Variants in CNTNAP2 observed in about 807,000 individuals in gnomAD.
CNTNAP2 encodes the protein contactin associated protein 2.
CNTNAP2 carries 98 observed loss-of-function variants against 155.2 expected under a neutral mutation model. The observed-to-expected ratio is 0.63, with a 90% confidence interval of 0.54 to 0.75. The LOEUF is 0.75. CNTNAP2 is among the 30% of genes least tolerant of loss of function. The pLI is 0.00. For synonymous variants in CNTNAP2, 651 were observed against 631.2 expected, an observed-to-expected ratio of 1.03 and a Z score of -0.47; for missense variants, 1,727 against 1,688.1, an observed-to-expected ratio of 1.02 and a Z score of -0.40.
At chr7:147,829,560 C>T (rs867726445) in intron 13 of CNTNAP2, among the ~76,000 whole-genome samples, 3 of 152,172 alleles carry the variant, frequency 2.0e-5, no homozygotes, top group African/African-American at 4.8e-5. Context: ...GGCATTTTTC[C>T]GATATCACAA....
chr7:147,121,293 C>G lies in CNTNAP2; in HGVS notation c.939+130C>G, dbSNP rs1176527643. ...TTTTCTTCTCTAAACAAGACACTGA[C>G]AATTTTAAAAACCTGATTAATTCGT... On this transcript the variant is annotated intron_variant, in intron 6 of 23. Transcript: ENST00000361727. The G allele has an allele frequency of 6.9e-6, 6 of 869,266 alleles. No homozygotes were observed. In the Admixed American group the frequency reaches 1.1e-4, roughly 16 times the overall value. The allele number at this position is 869,266 out of a possible 1,614,324, so 53.8% of individuals were successfully genotyped here. A position where few individuals can be genotyped will look rare whatever the true frequency, so the allele number is the denominator to read the frequency against.
At chr7:146,480,687 C>CTTT (rs34440695) in intron 1 of CNTNAP2, among the ~76,000 whole-genome samples, 12 of 121,170 alleles carry the variant, frequency 9.9e-5, no homozygotes, top group South Asian at 2.6e-4. Context: ...TTTTTTTTTC[C>CTTT]TTTTTTTTTT....
intron 16 of CNTNAP2, among the ~76,000 whole-genome samples, chr7:148,142,417 G>T (rs542494949): frequency 6.6e-6 from 1 of 152,152 alleles, no homozygotes; most frequent in South Asian, 2.1e-4. Context: ...AACAAAAAAA[G>T]ATATTGATAA....
intron 13 of CNTNAP2, among the ~76,000 whole-genome samples, chr7:147,853,378 C>A (rs1170524766): frequency 6.6e-6 from 1 of 152,168 alleles, no homozygotes; most frequent in African/African-American, 2.4e-5. Context: ...AGAGACAACC[C>A]ATTTGTACAT....
At chr7:148,302,779 T>C (rs1487443452) in intron 21 of CNTNAP2, among the ~76,000 whole-genome samples, 1 of 150,844 alleles carries the variant, frequency 6.6e-6, no homozygotes, top group East Asian at 2.0e-4. Flanking sequence ...CAATTAAACC[T>C]CTTTCCTTTA....
chr7:147,148,176 G>C (rs1014804733), intron 8 of CNTNAP2, among the ~76,000 whole-genome samples: 1 of 151,804 alleles, frequency 6.6e-6, no homozygotes, highest in Non-Finnish European at 1.5e-5. Context: ...GGATCATGAG[G>C]TCAGGAGATC....
At chr7:146,187,788 C>T (rs770863913) in intron 1 of CNTNAP2, among the ~76,000 whole-genome samples, 5 of 152,064 alleles carry the variant, frequency 3.3e-5, no homozygotes, top group Non-Finnish European at 5.9e-5. Context: ...TTATTATGGC[C>T]ACATTTTCTG....
intron 21 of CNTNAP2, among the ~76,000 whole-genome samples, chr7:148,323,110 A>G (rs1797824885): frequency 6.6e-6 from 1 of 152,024 alleles, no homozygotes; most frequent in Admixed American, 6.5e-5. Flanking sequence ...TCTTATCCAG[A>G]CAATCCTGTC....
At chr7:147,716,339 G>C (rs1037129311) in intron 13 of CNTNAP2, among the ~76,000 whole-genome samples, 3 of 152,094 alleles carry the variant, frequency 2.0e-5, no homozygotes, top group African/African-American at 7.2e-5. Flanking sequence ...GAACGGTTCT[G>C]GAAAAATGGG....
At chr7:146,896,985 A>G (rs1795890356) in intron 3 of CNTNAP2, among the ~76,000 whole-genome samples, 1 of 152,138 alleles carries the variant, frequency 6.6e-6, no homozygotes, top group Admixed American at 6.6e-5. Context: ...ATATTTTGAA[A>G]TTTCATACAA....
chr7:147,879,550 T>C (rs564503156), intron 13 of CNTNAP2, among the ~76,000 whole-genome samples: 1 of 152,280 alleles, frequency 6.6e-6, no homozygotes, highest in East Asian at 1.9e-4. Context: ...TTCAGCAATC[T>C]AGTTGTGCAA....
Position 147,123,493 on chromosome 7 carries a change from G to T in CNTNAP2, c.939+2330G>T, listed in dbSNP as rs144372719. ...TTGAAGCCCATCTATATACAATGTC[G>T]TGTTTGAGAACTGCAGGTATAGACT... On this transcript the variant is annotated intron_variant, in intron 6 of 23. Coordinates refer to ENST00000361727, the MANE Select transcript of CNTNAP2 (RefSeq NM_014141.6). Among the ~76,000 whole-genome samples the T allele has an allele frequency of 2.2e-3, 338 of 152,310 alleles. 5 individuals are homozygous for T. Among genetic ancestry groups the T allele is most frequent in the African/African-American group, 7.5e-3 (310 of 41,576 alleles).
At chr7:146,733,349 G>A (rs10487921) in intron 1 of CNTNAP2, among the ~76,000 whole-genome samples, 20,480 of 151,868 alleles carry the variant, frequency 0.13, 1,775 homozygotes, top group East Asian at 0.36. Context: ...TGGGGATGAA[G>A]CATTATTCTT....
intron 11 of CNTNAP2, among the ~76,000 whole-genome samples, chr7:147,515,569 C>T (rs1799110761): frequency 6.6e-6 from 1 of 152,040 alleles, no homozygotes; most frequent in African/African-American, 2.4e-5. Context: ...GATCTGCCCA[C>T]CTCGGCCTCC....
chr7:147,337,732 C>T (rs566223753), intron 9 of CNTNAP2, among the ~76,000 whole-genome samples: 1 of 151,996 alleles, frequency 6.6e-6, no homozygotes, highest in African/African-American at 2.4e-5. Context: ...CTATTTGAAC[C>T]CTCTGCCATT....
intron 8 of CNTNAP2, among the ~76,000 whole-genome samples, chr7:147,198,518 C>A (rs897452512): frequency 1.3e-5 from 2 of 152,184 alleles, no homozygotes; most frequent in Non-Finnish European, 2.9e-5. Flanking sequence ...AGGTGTGAGC[C>A]ACCGCGCCAG....
At chr7:147,242,569 T>C (rs1389563352) in intron 8 of CNTNAP2, among the ~76,000 whole-genome samples, 1 of 152,210 alleles carries the variant, frequency 6.6e-6, no homozygotes, top group Non-Finnish European at 1.5e-5. Context: ...TTTTGCATCT[T>C]ATTGCCAGCT....
chr7:147,220,044 C>T (rs1803359669), intron 8 of CNTNAP2, among the ~76,000 whole-genome samples: 1 of 151,464 alleles, frequency 6.6e-6, no homozygotes. Flanking sequence ...CTGCCTCTGC[C>T]TCCCAAAGTG....
Position 147,386,904 on chromosome 7 carries a change from G to T in CNTNAP2, c.1499-8705G>T, listed in dbSNP as rs367573419. 4.6e-5 allele frequency among the ~76,000 whole-genome samples: 7 copies of T among 152,250 alleles called. No homozygotes were observed. In the East Asian group the frequency reaches 7.7e-4, roughly 17 times the overall value. On this transcript the variant is annotated intron_variant, in intron 9 of 23. Coordinates refer to ENST00000361727, the MANE Select transcript of CNTNAP2 (RefSeq NM_014141.6). ...AATTTACCAAAGAAAGAGGTTTAAT[G>T]GACTTACAGTTCCATGTGGCTAGGT...
Sources: allele counts gnomAD v4.1 joint callset (sites outside exome capture counted in the v4.1 genomes callset), GRCh38; gene constraint gnomAD v4.1.1; transcripts MANE v1.5; gene names NCBI Gene and HGNC (gene_info 2026-07-23, HGNC 2026-07-21).